Variants in ATXN10 observed in about 807,000 individuals in gnomAD.
The protein encoded by ATXN10 is ataxin 10, also known as ataxin-10.
In ATXN10, 28 loss-of-function variants were observed where a neutral mutation model predicts 52.9. The ratio of observed to expected loss-of-function variants is 0.53; its 90% CI spans 0.39 to 0.73. The LOEUF (loss-of-function observed/expected upper bound fraction) is 0.73. Ranked by LOEUF, ATXN10 falls within the 30% of genes least tolerant of loss-of-function variation. ATXN10 has a pLI of 0.00. For synonymous variants in ATXN10, 226 were observed against 221.5 expected, an observed-to-expected ratio of 1.02 and a Z score of -0.18; for missense variants, 565 against 577.0, an observed-to-expected ratio of 0.98 and a Z score of 0.21.
At position 45,678,719 on chromosome 22, in the gene ATXN10, C is replaced by T. The variant is rs550744854; in HGVS notation, c.116+6540C>T. ...GCTCCAGTGAGCCAATCAGTAATTA[C>T]TCAAATTGCTAAAATGCTATTGATT... is the stretch of plus-strand genomic sequence containing the variant. On this transcript the variant is annotated intron_variant, in intron 1 of 11. Coordinates refer to ENST00000252934, the MANE Select transcript of ATXN10 (RefSeq NM_013236.4). The surrounding 1 kb of genome is among the most constrained non-coding windows in gnomAD (Gnocchi z 4.1). 3 of 152,264 alleles carry T rather than the reference C, an allele frequency of 2.0e-5. No homozygotes were observed. Among genetic ancestry groups the T allele is most frequent in the Non-Finnish European group, 4.4e-5 (3 of 68,022 alleles). The allele number at this position is 152,264 out of a possible 1,614,324, so 9.4% of individuals were successfully genotyped here. A position where few individuals can be genotyped will look rare whatever the true frequency, so the allele number is the denominator to read the frequency against.
rs116860835 is a variant in ATXN10, at chr22:45,824,198, G to T, written c.1237+17176G>T. The stretch of plus-strand genomic sequence containing the variant: ...CCACCCTCTTCTAATATCCCACACT[G>T]CCCCTGCAGCTCACAGAGACCTGCA... On this transcript the variant is annotated intron_variant, in intron 10 of 11. Transcript: ENST00000252934. This position sits in a 1 kb window ranked among gnomAD's most constrained non-coding sequence, Gnocchi z 5.2. Among the ~76,000 whole-genome samples the T allele has an allele frequency of 6.4e-3, 971 of 151,976 alleles. 7 individuals carry two copies. The highest frequency in any genetic ancestry group is 0.015 in the South Asian group (73 of 4,814).
rs1010433135 is a variant in ATXN10 at position 45,784,493 on chromosome 22, G to T, written c.1174-22466G>T. 6.6e-6 allele frequency among the ~76,000 whole-genome samples: 1 copy of T among 152,164 alleles called. No individual in the cohort carries two copies. The highest frequency in any genetic ancestry group is 6.5e-5 in the Admixed American group (1 of 15,280). On this transcript the variant is annotated intron_variant, in intron 9 of 11. Coordinates refer to ENST00000252934, the MANE Select transcript of ATXN10 (RefSeq NM_013236.4). The surrounding 1 kb of genome is among the most constrained non-coding windows in gnomAD (Gnocchi z 4.2). ...CCTAATTGTAATCTGCACCCCGAGT[G>T]TCACATTGCACAGTCTGCCTCAGGT...
rs9626429 is a variant in ATXN10 at position 45,713,940 on chromosome 22, G to A, written c.648-4473G>A. On this transcript the variant is annotated intron_variant, in intron 5 of 11. Transcript: ENST00000252934. ...CGTTTTTTCACGACTAGAAGCTACT[G>A]CCATGAATAGCCTTGGTTGCACATG... is the stretch of plus-strand genomic sequence containing the variant. Among the ~76,000 whole-genome samples the A allele has an allele frequency of 8.5e-3, 1,287 of 152,286 alleles. 16 individuals are homozygous for A. Among genetic ancestry groups the A allele is most frequent in the African/African-American group, 0.029 (1,214 of 41,562 alleles).
chr22:45,780,398 A>T lies in ATXN10; in HGVS notation c.1174-26561A>T, dbSNP rs1179862344. 3.3e-5 allele frequency among the ~76,000 whole-genome samples: 5 copies of T among 152,168 alleles called. No individual in the cohort carries two copies. Among genetic ancestry groups the T allele is most frequent in the Non-Finnish European group, 7.4e-5 (5 of 68,022 alleles). ...TGTGCCCGTCGGACTGTTTGCTCTC[A>T]TGAGAGCAGGGTGTGAAAGCCCCCT... On this transcript the variant is annotated intron_variant, in intron 9 of 11. Transcript: ENST00000252934. This position sits in a 1 kb window ranked among gnomAD's most constrained non-coding sequence, Gnocchi z 4.0.
intron 10 of ATXN10, among the ~76,000 whole-genome samples, chr22:45,812,072 A>G (rs967209737): frequency 6.6e-6 from 1 of 152,146 alleles, no homozygotes; most frequent in Non-Finnish European, 1.5e-5. Context: ...GCGTGAAGGC[A>G]GTTGTCCAAG....
In ATXN10 at chr22:45,770,627, G is replaced by A. The variant is rs1354596751; in HGVS notation, c.1173+30089G>A. On this transcript the variant is annotated intron_variant, in intron 9 of 11. Coordinates refer to ENST00000252934, the MANE Select transcript of ATXN10 (RefSeq NM_013236.4). This position sits in a 1 kb window ranked among gnomAD's most constrained non-coding sequence, Gnocchi z 4.5. ...ACCTGAGGGCTTCACAGAGAGCCAC[G>A]TCCACATATGCGAGAGCCACTGATG... is the stretch of plus-strand genomic sequence containing the variant. Among the ~76,000 whole-genome samples the A allele has an allele frequency of 1.3e-5, 2 of 152,176 alleles. No homozygotes were observed. The highest frequency in any genetic ancestry group is 1.9e-4 in the East Asian group (1 of 5,194).
chr22:45,785,340 C>T (rs1927286214), intron 9 of ATXN10, among the ~76,000 whole-genome samples: 1 of 152,160 alleles, frequency 6.6e-6, no homozygotes, highest in African/African-American at 2.4e-5. Context: ...CTTCACTGGC[C>T]AGCTTTTGAC....
chr22:45,726,550 T>G (rs565925005), intron 6 of ATXN10, among the ~76,000 whole-genome samples: 1 of 152,256 alleles, frequency 6.6e-6, no homozygotes, highest in Non-Finnish European at 1.5e-5. Context: ...ATTTTCTCTC[T>G]TCTTGGTTAA....
chr22:45,817,832 C>T (rs2146896608), intron 10 of ATXN10, among the ~76,000 whole-genome samples: 1 of 152,128 alleles, frequency 6.6e-6, no homozygotes, highest in South Asian at 2.1e-4. Context: ...TGCTCCCAGC[C>T]CAGACCAGTA....
intron 9 of ATXN10, among the ~76,000 whole-genome samples, chr22:45,773,711 G>C (rs1165642730): frequency 6.6e-6 from 1 of 152,092 alleles, no homozygotes; most frequent in Non-Finnish European, 1.5e-5. Context: ...ACCCACCTCG[G>C]CCTCCCAAAA....
In ATXN10 at chr22:45,844,006, G is replaced by C. The variant is rs1435730260; in HGVS notation, c.*335G>C. 1.2e-5 allele frequency: 4 copies of C among 342,010 alleles called. No homozygotes were observed. The highest frequency in any genetic ancestry group is 1.2e-4 in the East Asian group (2 of 17,062). The allele number at this position is 342,010 out of a possible 1,614,324, so 21.2% of individuals were successfully genotyped here. A position where few individuals can be genotyped will look rare whatever the true frequency, so the allele number is the denominator to read the frequency against. ...TTTGACAAAACTTGGATGTTGGCTT[G>C]ACTGTGTTTGTCCCTTCAGATGGCA... On this transcript the variant is annotated 3_prime_UTR_variant, in exon 12 of 12. Coordinates refer to ENST00000252934, the MANE Select transcript of ATXN10 (RefSeq NM_013236.4).
chr22:45,804,910 TCA>T (rs1928048972), intron 9 of ATXN10, among the ~76,000 whole-genome samples: 1 of 152,194 alleles, frequency 6.6e-6, no homozygotes, highest in Non-Finnish European at 1.5e-5. Context: ...TACTCCTTTA[TCA>T]CACACAAGAT....
chr22:45,771,912 C>CT lies in ATXN10; in HGVS notation c.1173+31375dup, dbSNP rs1926794065. The stretch of plus-strand genomic sequence containing the variant: ...GAGCTGAGCCTACAGGTGCTTGCCA[C>CT]TGTGCCCAGCTGGATTGTTTTGTTA... On this transcript the variant is annotated intron_variant, in intron 9 of 11. Transcript: ENST00000252934. 3.3e-5 allele frequency among the ~76,000 whole-genome samples: 5 copies of CT among 152,332 alleles called. No individual in the cohort carries two copies. In the South Asian group the frequency reaches 1.0e-3, roughly 32 times the overall value.
At chr22:45,793,899 G>A (rs1927610972) in intron 9 of ATXN10, 1 of 1,218,700 alleles carries the variant, frequency 8.2e-7, no homozygotes, top group East Asian at 3.2e-5. Context: ...TATAGCAGCA[G>A]CAGAGGTGCT....
In ATXN10 at chr22:45,824,117, C is replaced by T. The variant is rs111994505; in HGVS notation, c.1237+17095C>T. Among the ~76,000 whole-genome samples the T allele has an allele frequency of 2.0e-5, 3 of 152,160 alleles. No homozygotes were observed. The highest frequency in any genetic ancestry group is 2.9e-5 in the Non-Finnish European group (2 of 68,018). ...TTCCTACCTTCCTTTGCCTTCCCCA[C>T]GCTCTTACCTGCTGAGTGTAGTCAG... On this transcript the variant is annotated intron_variant, in intron 10 of 11. Coordinates refer to ENST00000252934, the MANE Select transcript of ATXN10 (RefSeq NM_013236.4). The surrounding 1 kb of genome is among the most constrained non-coding windows in gnomAD (Gnocchi z 5.2).
intron 6 of ATXN10, among the ~76,000 whole-genome samples, chr22:45,723,208 A>T (rs1005628501): frequency 6.6e-6 from 1 of 152,120 alleles, no homozygotes; most frequent in African/African-American, 2.4e-5. Flanking sequence ...ATAGAGATAT[A>T]TATAGATAGG....
At position 45,823,544 on chromosome 22, in the gene ATXN10, A is replaced by G. The variant is rs1211045048; in HGVS notation, c.1237+16522A>G. Among the ~76,000 whole-genome samples, 1 of 152,156 alleles carries G rather than the reference A, an allele frequency of 6.6e-6. No individual in the cohort carries two copies. The highest frequency in any genetic ancestry group is 2.4e-5 in the African/African-American group (1 of 41,436). On this transcript the variant is annotated intron_variant, in intron 10 of 11. Coordinates refer to ENST00000252934, the MANE Select transcript of ATXN10 (RefSeq NM_013236.4). The surrounding 1 kb of genome is among the most constrained non-coding windows in gnomAD (Gnocchi z 4.9). Reference sequence around the variant, plus strand: ...TGTCATAAATCATTGTCCTACAGGCATGATTCTGTTTCCTGTGCTGTATTC... The same window carrying G: ...TGTCATAAATCATTGTCCTACAGGCGTGATTCTGTTTCCTGTGCTGTATTC...
In ATXN10 at chr22:45,841,156, T is replaced by G. The variant is rs558036207; in HGVS notation, c.1238-1835T>G. 3.5e-4 allele frequency among the ~76,000 whole-genome samples: 53 copies of G among 152,352 alleles called. No individual in the cohort carries two copies. Among genetic ancestry groups the G allele is most frequent in the African/African-American group, 1.3e-3 (52 of 41,590 alleles). ...AATTTAGGTTTAATGCCTTTGAATA[T>G]TTGAATAGATTCTGTCTCCAGAAAG... On this transcript the variant is annotated intron_variant, in intron 10 of 11. Coordinates refer to ENST00000252934, the MANE Select transcript of ATXN10 (RefSeq NM_013236.4). The surrounding 1 kb of genome is among the most constrained non-coding windows in gnomAD (Gnocchi z 5.1).
intron 9 of ATXN10, among the ~76,000 whole-genome samples, chr22:45,768,332 C>T (rs1780345323): frequency 6.6e-6 from 1 of 151,348 alleles, no homozygotes; most frequent in Non-Finnish European, 1.5e-5. Context: ...GTCACAAGGA[C>T]ACAAGACCCT....
Sources: allele counts gnomAD v4.1 joint callset (sites outside exome capture counted in the v4.1 genomes callset), GRCh38; gene constraint gnomAD v4.1.1; non-coding constraint Gnocchi (gnomAD v3.1); transcripts MANE v1.5; gene names NCBI Gene and HGNC (gene_info 2026-07-23, HGNC 2026-07-21).